The following PCDHGB3 variants were observed in gnomAD, a reference collection of about 807,000 sequenced individuals.
PCDHGB3 encodes the protein protocadherin gamma subfamily B, 3.
A neutral mutation model predicts 59.2 loss-of-function variants in PCDHGB3; 40 were observed. The observed-to-expected ratio is 0.68, with a 90% CI of 0.52 to 0.88. The LOEUF is 0.88. Ranked by LOEUF, PCDHGB3 falls within the 40% of genes least tolerant of loss-of-function variation. The probability of loss-of-function intolerance (pLI) is 0.00; values close to 1 mark genes in which losing one functional copy is unlikely to be tolerated. For missense variants in PCDHGB3, 1,309 were observed against 1,187.9 expected, an observed-to-expected ratio of 1.10 and a Z score of -1.50; for synonymous variants, 581 against 503.6, an observed-to-expected ratio of 1.15 and a Z score of -2.06.
At chr5:141,505,081 G>A (rs2099843521) in intron 2 of PCDHGB3, among the ~76,000 whole-genome samples, 3 of 152,146 alleles carry the variant, frequency 2.0e-5, no homozygotes, top group Admixed American at 2.0e-4. Flanking sequence ...AGAATCGCTT[G>A]AACCCAGGAG....
At chr5:141,372,897 C>A in intron 1 of PCDHGB3, 88 bp downstream of exon 1, 1 of 1,104,764 alleles carries the variant, frequency 9.1e-7, no homozygotes, top group Non-Finnish European at 1.3e-6. Flanking sequence ...ATTAAATATT[C>A]CCTGATTACA....
In PCDHGB3 at chr5:141,431,746, G is replaced by C. The variant is rs780453684; in HGVS notation, c.2415+58937G>C. 6.2e-7 allele frequency: 1 copy of C among 1,614,062 alleles called. No individual in the cohort carries two copies. Among genetic ancestry groups the C allele is most frequent in the African/African-American group, 1.3e-5 (1 of 74,932 alleles). On this transcript the variant is annotated intron_variant, in intron 1 of 3. Transcript: ENST00000576222. The surrounding 1 kb of genome is among the most constrained non-coding windows in gnomAD (Gnocchi z 4.8). ...CAATGGATAATGCAGGATATTCTGC[G>C]CGAGCCAAAGTCCTGATCACTGTTC... is the stretch of plus-strand genomic sequence containing the variant.
chr5:141,500,269 C>T (rs977958449), intron 2 of PCDHGB3, among the ~76,000 whole-genome samples: 1 of 151,504 alleles, frequency 6.6e-6, no homozygotes, highest in African/African-American at 2.4e-5. Context: ...ACTGCAGTGG[C>T]GCAATCTCGG....
At chr5:141,375,688 C>T in intron 1 of PCDHGB3, 1 of 1,614,256 alleles carries the variant, frequency 6.2e-7, no homozygotes, top group Non-Finnish European at 8.5e-7. Context: ...TGACAGCCAG[C>T]GACAGCGGGG....
Position 141,487,421 on chromosome 5 carries a change from C to T in PCDHGB3, c.2416-7386C>T. ...GGGGCTTCCCCCTTCCAATGGGATC[C>T]TCCGAATCCAGCTAGGGTCAGATGA... On this transcript the variant is annotated intron_variant, in intron 1 of 3. Coordinates refer to ENST00000576222, the MANE Select transcript of PCDHGB3 (RefSeq NM_018924.5). This position sits in a 1 kb window ranked among gnomAD's most constrained non-coding sequence, Gnocchi z 5.0. The T allele has an allele frequency of 6.2e-7, 1 of 1,614,144 alleles. No homozygotes were observed. The highest frequency in any genetic ancestry group is 1.1e-5 in the South Asian group (1 of 91,082).
rs2099426122 is a variant in PCDHGB3 at position 141,477,960 on chromosome 5, A to C, written c.2416-16847A>C. On this transcript the variant is annotated intron_variant, in intron 1 of 3. Coordinates refer to ENST00000576222, the MANE Select transcript of PCDHGB3 (RefSeq NM_018924.5). This position sits in a 1 kb window ranked among gnomAD's most constrained non-coding sequence, Gnocchi z 4.9. ...TCCTACAGTCTCTTGGGATCCCCTAACCAGAGCCTTTTTGCCATAGGGCTG... is the reference window on the plus strand; with the variant it reads ...TCCTACAGTCTCTTGGGATCCCCTACCCAGAGCCTTTTTGCCATAGGGCTG... 1 of 1,613,952 alleles carries C rather than the reference A, an allele frequency of 6.2e-7. No individual in the cohort carries two copies. Among genetic ancestry groups the C allele is most frequent in the African/African-American group, 1.3e-5 (1 of 74,922 alleles).
rs752401867 is a variant in PCDHGB3, at chr5:141,511,224, G to A, written c.*51G>A. On this transcript the variant is annotated 3_prime_UTR_variant, in exon 4 of 4. Transcript: ENST00000576222. ...GGGCGGCCTCTCCCCAACCAGCCCA[G>A]CTTCTCCTTACCTGCACCCAGGCCT... 1.2e-6 allele frequency: 2 copies of A among 1,603,276 alleles called. No homozygotes were observed.
rs144796076 is a variant in PCDHGB3, at chr5:141,394,245, G to A, written c.2415+21436G>A. ...CTCCATCTTTTCCTTGACTGCACACGACCCCGACAGCCAGGAGAATGCCCA... is the reference window on the plus strand; with the variant it reads ...CTCCATCTTTTCCTTGACTGCACACAACCCCGACAGCCAGGAGAATGCCCA... On this transcript the variant is annotated intron_variant, in intron 1 of 3. Transcript: ENST00000576222. The A allele has an allele frequency of 2.5e-3, 4,038 of 1,613,812 alleles. 13 individuals carry two copies. The highest frequency in any genetic ancestry group is 6.1e-3 in the Middle Eastern group (37 of 6,062).
At chr5:141,484,876 A>C in intron 1 of PCDHGB3, 1 of 315,240 alleles carries the variant, frequency 3.2e-6, no homozygotes, top group Non-Finnish European at 5.8e-6. Flanking sequence ...CGTGGAGGAT[A>C]GGGTGGGCTT....
rs1767599935 is a variant in PCDHGB3, at chr5:141,371,244, A to G, written c.850A>G (p.Ile284Val). The G allele has an allele frequency of 1.2e-6, 2 of 1,613,920 alleles. No individual in the cohort carries two copies. The highest frequency in any genetic ancestry group is 2.2e-5 in the South Asian group (2 of 91,094). Reference protein sequence around the residue: ...NAEIIYAFINIGKEVRQLFKL... With the variant: ...NAEIIYAFINVGKEVRQLFKL... The stretch of plus-strand genomic sequence containing the variant: ...CGAAATCATCTATGCCTTCATCAAT[A>G]TTGGCAAGGAAGTGAGACAACTGTT... The change falls in exon 1 of 4, where the codon ATT becomes GTT. Residue 284 changes from isoleucine to valine, a missense_variant. Coordinates refer to ENST00000576222, the MANE Select transcript of PCDHGB3 (RefSeq NM_018924.5).
At chr5:141,391,149 G>C (rs1487749660) in intron 1 of PCDHGB3, 1 of 152,032 alleles carries the variant, frequency 6.6e-6, no homozygotes, top group Non-Finnish European at 1.5e-5. Context: ...CTCTAGGAAA[G>C]AAATATAGTC....
chr5:141,503,222 G>T (rs540244346), intron 2 of PCDHGB3, among the ~76,000 whole-genome samples: 1 of 152,120 alleles, frequency 6.6e-6, no homozygotes, highest in East Asian at 1.9e-4. Context: ...CATGAGCACC[G>T]TAAAGATGGA....
At chr5:141,448,069 T>C (rs1184496754) in intron 1 of PCDHGB3, among the ~76,000 whole-genome samples, 1 of 151,202 alleles carries the variant, frequency 6.6e-6, no homozygotes, top group Non-Finnish European at 1.5e-5. Context: ...CTGGGCAACA[T>C]GAACGAAATG....
intron 1 of PCDHGB3, chr5:141,426,906 C>T (rs2096969568): frequency 4.4e-6 from 2 of 456,654 alleles, no homozygotes; most frequent in Admixed American, 2.3e-5. Context: ...CTCTCATCTC[C>T]TGGTCCTGGA....
chr5:141,491,850 T>C lies in PCDHGB3; in HGVS notation c.2416-2957T>C. ...CCCGATTCTCGGGATCATTGGACCG[T>C]TTGCGCGAAACCAGAGTGGCCGATT... On this transcript the variant is annotated intron_variant, in intron 1 of 3. Transcript: ENST00000576222. The surrounding 1 kb of genome is among the most constrained non-coding windows in gnomAD (Gnocchi z 6.9). 6.8e-7 allele frequency: 1 copy of C among 1,460,996 alleles called. No homozygotes were observed. The highest frequency in any genetic ancestry group is 2.5e-5 in the East Asian group (1 of 40,084). The allele number at this position is 1,460,996 out of a possible 1,614,324, so 90.5% of individuals were successfully genotyped here.
At chr5:141,374,953 A>G (rs748125378) in intron 1 of PCDHGB3, 1 of 1,614,024 alleles carries the variant, frequency 6.2e-7, no homozygotes, top group Non-Finnish European at 8.5e-7. Context: ...AGATCTCACA[A>G]ATTTTCTGTT....
At chr5:141,409,796 C>T (rs750405889) in intron 1 of PCDHGB3, 1 of 1,611,944 alleles carries the variant, frequency 6.2e-7, no homozygotes, top group Non-Finnish European at 8.5e-7. Context: ...CGCGCTCACG[C>T]TGCAGGCCCG....
chr5:141,410,817 ATGTCACCAGACTGAAGATATTTTGTCTT>A, intron 1 of PCDHGB3: 1 of 524,252 alleles, frequency 1.9e-6, no homozygotes, highest in Non-Finnish European at 3.1e-6. Flanking sequence ...TTGTAAAATA[ATGTCACCAGACTGAAGATATTTTGTCTT>A]TGTCTTTTTT....
Position 141,432,483 on chromosome 5 carries a change from T to C in PCDHGB3, c.2415+59674T>C, listed in dbSNP as rs776090923. The C allele has an allele frequency of 6.2e-7, 1 of 1,614,136 alleles. No homozygotes were observed. The highest frequency in any genetic ancestry group is 1.1e-5 in the South Asian group (1 of 91,078). ...CTCCCCACGGACGGTTCCACTGGCG[T>C]GGAGCTGGCTCCCCGCTCCGCAGAG... On this transcript the variant is annotated intron_variant, in intron 1 of 3. Coordinates refer to ENST00000576222, the MANE Select transcript of PCDHGB3 (RefSeq NM_018924.5). The surrounding 1 kb of genome is among the most constrained non-coding windows in gnomAD (Gnocchi z 6.0).
Sources: gnomAD v4.1 joint callset for allele counts (sites outside exome capture counted in the v4.1 genomes callset) on GRCh38, gnomAD v4.1.1 for gene constraint, Gnocchi (gnomAD v3.1) non-coding constraint, MANE v1.5 for transcripts, NCBI Gene and HGNC (gene_info 2026-07-23, HGNC 2026-07-21) for gene names.